The following ZBTB20 variants were observed in gnomAD, a reference collection of about 807,000 sequenced individuals.
The protein encoded by ZBTB20 is zinc finger and BTB domain-containing protein 20.
A neutral mutation model predicts 56.9 loss-of-function variants in ZBTB20; 9 were observed. The ratio of observed to expected loss-of-function variants is 0.16; its 90% CI spans 0.10 to 0.28. The LOEUF is 0.28. Ranked by LOEUF, ZBTB20 falls within the 10% of genes least tolerant of loss-of-function variation. ZBTB20 has a pLI of 1.00. For synonymous variants in ZBTB20, 417 were observed against 420.7 expected, an observed-to-expected ratio of 0.99 and a Z score of 0.11; for missense variants, 655 against 1,003.0, an observed-to-expected ratio of 0.65 and a Z score of 4.69.
intron 6 of ZBTB20, among the ~76,000 whole-genome samples, chr3:114,605,236 T>C (rs1196179475): frequency 1.3e-5 from 2 of 152,162 alleles, no homozygotes; most frequent in Non-Finnish European, 2.9e-5. Context: ...TCAGAAATTA[T>C]AGCTTCAATT....
chr3:114,523,593 T>C (rs2046883947), intron 6 of ZBTB20, among the ~76,000 whole-genome samples: 1 of 152,120 alleles, frequency 6.6e-6, no homozygotes, highest in Non-Finnish European at 1.5e-5. Flanking sequence ...AGGAGAGAGA[T>C]TCTAAGGCAC....
intron 6 of ZBTB20, among the ~76,000 whole-genome samples, chr3:114,525,173 G>A (rs1269674713): frequency 6.6e-6 from 1 of 151,960 alleles, no homozygotes; most frequent in Non-Finnish European, 1.5e-5. Context: ...TGGGGGGGGT[G>A]TCTATTTTCC....
chr3:114,583,091 C>T lies in ZBTB20; in HGVS notation c.-294-82700G>A, dbSNP rs550023030. 2.4e-3 allele frequency among the ~76,000 whole-genome samples: 368 copies of T among 152,234 alleles called. 3 individuals are homozygous for T. Among genetic ancestry groups the T allele is most frequent in the African/African-American group, 8.4e-3 (350 of 41,542 alleles). On this transcript the variant is annotated intron_variant, in intron 6 of 11. Transcript: ENST00000675478. ...TGGTATCAGTACTGCTATTGGCTGG[C>T]GGGTTTCACCTCTGGTTTCAGAAAA...
Position 114,350,813 on chromosome 3 carries a change from T to G in ZBTB20, c.1265A>C (p.Gln422Pro). ...AGCACCTGTTTCTAGCTGGTTTGTC[T>G]GCGGACCACCCTCAGCGGGGGCTTC... ...AAEAPAEGGP[Q>P]TNQLETGASS... Residue 422 changes from glutamine (Q) to proline (P), a missense_variant, in exon 11 of 12, where the codon CAG becomes CCG. Physicochemically the swap from Gln to Pro is moderately conservative, Grantham distance 76 (BLOSUM62 -1). Coordinates refer to ENST00000675478, the MANE Select transcript of ZBTB20 (RefSeq NM_001348800.3). 6.2e-7 allele frequency: 1 copy of G among 1,613,804 alleles called. No individual in the cohort carries two copies. The highest frequency in any genetic ancestry group is 8.5e-7 in the Non-Finnish European group (1 of 1,180,026).
intron 7 of ZBTB20, among the ~76,000 whole-genome samples, chr3:114,425,837 T>C (rs2089598298): frequency 6.6e-6 from 1 of 152,212 alleles, no homozygotes; most frequent in African/African-American, 2.4e-5. Flanking sequence ...TTTAAATCAT[T>C]CTGCTATACA....
chr3:114,613,813 T>C (rs1464182414), intron 6 of ZBTB20, among the ~76,000 whole-genome samples: 2 of 152,126 alleles, frequency 1.3e-5, no homozygotes, highest in African/African-American at 2.4e-5. Context: ...GTATTAACCA[T>C]GATCCTATAG....
intron 6 of ZBTB20, among the ~76,000 whole-genome samples, chr3:114,542,100 T>C (rs993115739): frequency 6.6e-6 from 1 of 152,188 alleles, no homozygotes; most frequent in Admixed American, 6.5e-5. Context: ...TTTTTCACAA[T>C]AGTTTCATTA....
intron 7 of ZBTB20, among the ~76,000 whole-genome samples, chr3:114,435,747 T>A (rs138989334): frequency 1.1e-4 from 17 of 152,298 alleles, no homozygotes; most frequent in African/African-American, 4.1e-4. Flanking sequence ...TATCTGACAA[T>A]CTTATAAAAA....
chr3:114,502,868 G>C (rs1426900344), intron 6 of ZBTB20: 1 of 147,772 alleles, frequency 6.8e-6, no homozygotes, highest in African/African-American at 2.5e-5. Flanking sequence ...CTCTAACCTT[G>C]GGGAGAAGAA....
intron 6 of ZBTB20, among the ~76,000 whole-genome samples, chr3:114,520,775 A>G (rs1316747773): frequency 6.6e-6 from 1 of 152,194 alleles, no homozygotes; most frequent in African/African-American, 2.4e-5. Context: ...ACAATTAGAT[A>G]TTCCAAAAGC....
At chr3:114,966,609 G>A (rs1013321625) in intron 3 of ZBTB20, among the ~76,000 whole-genome samples, 5 of 151,966 alleles carry the variant, frequency 3.3e-5, no homozygotes, top group Non-Finnish European at 7.4e-5. Context: ...AACTGTTAGT[G>A]AATAGTTCAG....
At chr3:114,492,949 T>C (rs2042901659) in intron 7 of ZBTB20, among the ~76,000 whole-genome samples, 1 of 152,208 alleles carries the variant, frequency 6.6e-6, no homozygotes, top group South Asian at 2.1e-4. Context: ...CACTCATGAA[T>C]ACTACCACAG....
At chr3:114,417,993 C>A (rs893606409) in intron 7 of ZBTB20, among the ~76,000 whole-genome samples, 43 of 152,048 alleles carry the variant, frequency 2.8e-4, no homozygotes, top group African/African-American at 9.9e-4. Flanking sequence ...GCAACATAAT[C>A]AAGGTACGCC....
chr3:114,588,803 A>C (rs1420179066), intron 6 of ZBTB20, among the ~76,000 whole-genome samples: 4 of 152,136 alleles, frequency 2.6e-5, no homozygotes, highest in Non-Finnish European at 5.9e-5. Context: ...GCTGAATCTT[A>C]ATCCATATTA....
At chr3:114,808,885 C>T (rs2072315940) in intron 4 of ZBTB20, among the ~76,000 whole-genome samples, 1 of 151,584 alleles carries the variant, frequency 6.6e-6, no homozygotes, top group South Asian at 2.1e-4. Context: ...AACAAATTGT[C>T]TCAGTCTTTG....
At chr3:114,352,439 A>G (rs1430694385) in intron 10 of ZBTB20, among the ~76,000 whole-genome samples, 1 of 152,222 alleles carries the variant, frequency 6.6e-6, no homozygotes, top group Non-Finnish European at 1.5e-5. Context: ...GCATATTATC[A>G]AAACCCACAC....
intron 10 of ZBTB20, among the ~76,000 whole-genome samples, chr3:114,369,469 T>C (rs2082765267): frequency 6.6e-6 from 1 of 152,250 alleles, no homozygotes; most frequent in Non-Finnish European, 1.5e-5. Context: ...GTTGTTTATA[T>C]AATTTTCAGT....
At chr3:114,392,259 T>G (rs914437658) in intron 7 of ZBTB20, among the ~76,000 whole-genome samples, 1 of 152,200 alleles carries the variant, frequency 6.6e-6, no homozygotes. Context: ...TCGTACATTT[T>G]AAAATAACTA....
intron 10 of ZBTB20, among the ~76,000 whole-genome samples, chr3:114,365,383 G>A (rs2108372328): frequency 6.6e-6 from 1 of 152,294 alleles, no homozygotes; most frequent in South Asian, 2.1e-4. Context: ...CATCTCTCTT[G>A]AGGGCCCTTC....
Sources: allele counts gnomAD v4.1 joint callset (sites outside exome capture counted in the v4.1 genomes callset), GRCh38; gene constraint gnomAD v4.1.1; transcripts MANE v1.5; gene names NCBI Gene and HGNC (gene_info 2026-07-23, HGNC 2026-07-21).